HS3ST5: variants seen among roughly 807,000 people sequenced by gnomAD.
HS3ST5 encodes the protein heparan sulfate-glucosamine 3-sulfotransferase 5.
A neutral mutation model predicts 25.4 loss-of-function variants in HS3ST5; 10 were observed. The observed-to-expected ratio is 0.39, with a 90% CI of 0.24 to 0.67. HS3ST5 has a LOEUF of 0.67. Among genes scored for constraint, HS3ST5 ranks in the 30% least tolerant of loss-of-function variants. The pLI is 0.44. For missense variants in HS3ST5, 324 were observed against 420.7 expected (o/e 0.77, Z 2.01); for synonymous variants, 170 against 162.4 (o/e 1.05, Z -0.36).
intron 1 of HS3ST5, among the ~76,000 whole-genome samples, chr6:114,287,764 C>T (rs1437893247): frequency 6.6e-6 from 1 of 151,862 alleles, no homozygotes; most frequent in South Asian, 2.1e-4. Flanking sequence ...ATAGCAGAAC[C>T]GACCAATGGT....
At chr6:114,262,659 T>C (rs1005212021) in intron 1 of HS3ST5, among the ~76,000 whole-genome samples, 1 of 135,036 alleles carries the variant, frequency 7.4e-6, no homozygotes, top group African/African-American at 2.5e-5. Flanking sequence ...AATATATTTA[T>C]TTTTTTCATA....
intron 3 of HS3ST5, among the ~76,000 whole-genome samples, chr6:114,155,571 A>G (rs1210256675): frequency 2.0e-5 from 3 of 152,216 alleles, no homozygotes; most frequent in African/African-American, 7.2e-5. Context: ...TTCTGACTTT[A>G]CCTTTCTATA....
At chr6:114,095,550 G>A (rs1290632084) in intron 3 of HS3ST5, among the ~76,000 whole-genome samples, 3 of 152,122 alleles carry the variant, frequency 2.0e-5, no homozygotes, top group Admixed American at 2.0e-4. Context: ...GAAGCAGGGT[G>A]GTGCTAAGGC....
chr6:114,260,651 C>G (rs1773131018), intron 1 of HS3ST5, among the ~76,000 whole-genome samples: 1 of 152,086 alleles, frequency 6.6e-6, no homozygotes, highest in African/African-American at 2.4e-5. Flanking sequence ...AGTGATCAGA[C>G]CCCAGATTAT....
intron 1 of HS3ST5, among the ~76,000 whole-genome samples, chr6:114,230,751 T>A (rs955520109): frequency 1.3e-5 from 2 of 151,076 alleles, no homozygotes; most frequent in African/African-American, 4.9e-5. Flanking sequence ...CACACCCTGC[T>A]ATTTTTTTTT....
At chr6:114,230,668 C>A (rs1973729) in intron 1 of HS3ST5, among the ~76,000 whole-genome samples, 2 of 149,560 alleles carry the variant, frequency 1.3e-5, no homozygotes, top group African/African-American at 4.9e-5. Flanking sequence ...CTCACTGCAA[C>A]CCCCCATCTT....
chr6:114,323,136 C>G (rs1366409841), intron 1 of HS3ST5, among the ~76,000 whole-genome samples: 1 of 152,048 alleles, frequency 6.6e-6, no homozygotes, highest in Admixed American at 6.6e-5. Context: ...CATTTGTTAC[C>G]TCAACATAAT....
intron 3 of HS3ST5, among the ~76,000 whole-genome samples, chr6:114,068,646 T>C (rs1773604725): frequency 6.6e-6 from 1 of 152,248 alleles, no homozygotes; most frequent in Non-Finnish European, 1.5e-5. Context: ...TCCCTTTAGC[T>C]ATGCCAGCTT....
intron 1 of HS3ST5, among the ~76,000 whole-genome samples, chr6:114,297,227 C>T (rs1017526224): frequency 7.9e-5 from 12 of 151,958 alleles, no homozygotes; most frequent in African/African-American, 1.7e-4. Context: ...AGATATACAC[C>T]GGACCACTAC....
intron 3 of HS3ST5, among the ~76,000 whole-genome samples, chr6:114,095,301 C>T (rs1188854708): frequency 1.3e-5 from 2 of 152,128 alleles, no homozygotes; most frequent in Non-Finnish European, 1.5e-5. Flanking sequence ...TCCCTTATGC[C>T]CAACATCTAG....
At chr6:114,311,335 A>G (rs1163530384) in intron 1 of HS3ST5, among the ~76,000 whole-genome samples, 1 of 152,148 alleles carries the variant, frequency 6.6e-6, no homozygotes, top group Non-Finnish European at 1.5e-5. Flanking sequence ...GTATATTTGG[A>G]AGAATATATA....
chr6:114,307,008 A>AACG (rs1775324599), intron 1 of HS3ST5, among the ~76,000 whole-genome samples: 1 of 152,220 alleles, frequency 6.6e-6, no homozygotes, highest in Non-Finnish European at 1.5e-5. Context: ...GTGCACAATT[A>AACG]ACGACAGTAG....
intron 1 of HS3ST5, among the ~76,000 whole-genome samples, chr6:114,237,875 G>A (rs994600862): frequency 1.3e-5 from 2 of 152,122 alleles, no homozygotes; most frequent in South Asian, 2.1e-4. Context: ...GATTGGTAGA[G>A]GAAAGAGAAG....
intron 3 of HS3ST5, among the ~76,000 whole-genome samples, chr6:114,143,415 T>C (rs1461479181): frequency 6.6e-6 from 1 of 152,200 alleles, no homozygotes; most frequent in Non-Finnish European, 1.5e-5. Context: ...CTCTTCTGGA[T>C]TTGTGTTCTT....
At chr6:114,292,317 G>A (rs1034776788) in intron 1 of HS3ST5, among the ~76,000 whole-genome samples, 4 of 152,090 alleles carry the variant, frequency 2.6e-5, no homozygotes, top group East Asian at 1.9e-4. Context: ...TTCTTGCTGC[G>A]TTCTCACGTG....
chr6:114,102,524 G>T (rs1185991218), intron 3 of HS3ST5, among the ~76,000 whole-genome samples: 1 of 152,156 alleles, frequency 6.6e-6, no homozygotes, highest in Non-Finnish European at 1.5e-5. Context: ...CCATGATTGA[G>T]GAGGGTACAG....
chr6:114,128,761 G>GAA (rs1220537687), intron 3 of HS3ST5, among the ~76,000 whole-genome samples: 2 of 152,298 alleles, frequency 1.3e-5, no homozygotes, highest in African/African-American at 4.8e-5. Flanking sequence ...AAAAGGTACA[G>GAA]AAAAAGAGAG....
At chr6:114,101,967 C>T (rs1445384860) in intron 3 of HS3ST5, among the ~76,000 whole-genome samples, 3 of 152,202 alleles carry the variant, frequency 2.0e-5, no homozygotes, top group Non-Finnish European at 4.4e-5. Context: ...CCAAATACCA[C>T]ATGTTCTCAC....
intron 1 of HS3ST5, among the ~76,000 whole-genome samples, chr6:114,269,288 C>G (rs11153475): frequency 0.31 from 47,099 of 151,988 alleles, 8,944 homozygotes; most frequent in East Asian, 0.43. Flanking sequence ...CTTTATGTAA[C>G]AGAGAGTGGA....
Sources: allele counts gnomAD v4.1 joint callset (sites outside exome capture counted in the v4.1 genomes callset), GRCh38; gene constraint gnomAD v4.1.1; transcripts MANE v1.5; gene names NCBI Gene and HGNC (gene_info 2026-07-23, HGNC 2026-07-21).